The following DPYD variants were observed in gnomAD, a reference collection of about 807,000 sequenced individuals.
DPYD encodes the protein dihydropyrimidine dehydrogenase.
Under a neutral mutation model 116.2 loss-of-function variants are expected in DPYD, and 109 were observed. That is an observed-to-expected ratio of 0.94 (90% CI 0.80 to 1.10). The LOEUF is 1.10. Among genes scored for constraint, DPYD ranks in the 50% least tolerant of loss-of-function variants. DPYD has a pLI of 0.00. For synonymous variants in DPYD, 440 were observed against 432.0 expected, an observed-to-expected ratio of 1.02 and a Z score of -0.23; for missense variants, 1,302 against 1,254.5, an observed-to-expected ratio of 1.04 and a Z score of -0.57.
chr1:97,353,036 C>T (rs1265573195), intron 16 of DPYD, among the ~76,000 whole-genome samples: 5 of 151,920 alleles, frequency 3.3e-5, no homozygotes, highest in Admixed American at 2.6e-4. Flanking sequence ...TAGAAAAGAA[C>T]TGTCAGACAC....
intron 19 of DPYD, among the ~76,000 whole-genome samples, chr1:97,209,834 G>T (rs918655688): frequency 6.6e-6 from 1 of 152,116 alleles, no homozygotes; most frequent in African/African-American, 2.4e-5. Context: ...TTGATATTTT[G>T]ATCTTTAGAC....
At chr1:97,217,374 C>T (rs1660480590) in intron 19 of DPYD, among the ~76,000 whole-genome samples, 1 of 152,120 alleles carries the variant, frequency 6.6e-6, no homozygotes, top group Admixed American at 6.6e-5. Context: ...CTAGAAATCA[C>T]CTGAAATGGA....
At chr1:97,647,911 A>G (rs1658368053) in intron 8 of DPYD, among the ~76,000 whole-genome samples, 1 of 151,986 alleles carries the variant, frequency 6.6e-6, no homozygotes, top group African/African-American at 2.4e-5. Flanking sequence ...ATATTTTGCC[A>G]ATTACTGATG....
chr1:97,402,039 C>T (rs926032705), intron 14 of DPYD, among the ~76,000 whole-genome samples: 72 of 152,076 alleles, frequency 4.7e-4, no homozygotes, highest in African/African-American at 1.6e-3. Context: ...TATAGTAAGT[C>T]TTGAGGTTAG....
chr1:97,182,234 A>T (rs1334918480), intron 20 of DPYD, among the ~76,000 whole-genome samples: 1 of 152,104 alleles, frequency 6.6e-6, no homozygotes, highest in Non-Finnish European at 1.5e-5. Flanking sequence ...CAATTTATAA[A>T]ACAGGTGTCT....
intron 16 of DPYD, 72 bp from the exon 17 acceptor site, chr1:97,306,369 G>C: frequency 6.3e-7 from 1 of 1,595,976 alleles, no homozygotes; most frequent in Non-Finnish European, 8.6e-7. Flanking sequence ...TGGAACAACA[G>C]CAAAGCTGGA....
intron 16 of DPYD, among the ~76,000 whole-genome samples, chr1:97,363,402 C>T (rs754965851): frequency 7.9e-5 from 12 of 152,098 alleles, no homozygotes; most frequent in Admixed American, 2.0e-4. Flanking sequence ...GGCGATTTGT[C>T]AAGGATCTAG....
chr1:97,601,916 C>T (rs1176332470), intron 8 of DPYD, among the ~76,000 whole-genome samples: 1 of 151,922 alleles, frequency 6.6e-6, no homozygotes, highest in Non-Finnish European at 1.5e-5. Context: ...TTTTTGAAAT[C>T]CCCATTAAAC....
intron 8 of DPYD, among the ~76,000 whole-genome samples, chr1:97,625,408 C>G (rs1196366076): frequency 6.6e-6 from 1 of 151,882 alleles, no homozygotes; most frequent in African/African-American, 2.4e-5. Flanking sequence ...AATAGAATAA[C>G]TGGATGTAAA....
At chr1:97,192,976 C>T (rs1333253048) in intron 20 of DPYD, 93 bp downstream of exon 20, 25 of 1,439,388 alleles carry the variant, frequency 1.7e-5, no homozygotes, top group Non-Finnish European at 2.4e-5. Flanking sequence ...ACTGTGTTTC[C>T]TTTGTTAGTG....
At chr1:97,085,755 T>C (rs547215232) in intron 21 of DPYD, among the ~76,000 whole-genome samples, 3 of 152,314 alleles carry the variant, frequency 2.0e-5, no homozygotes, top group East Asian at 1.9e-4. Flanking sequence ...CAGCCCCTCT[T>C]GTACACACAT....
intron 1 of DPYD, among the ~76,000 whole-genome samples, chr1:97,901,528 A>G (rs1004715757): frequency 6.6e-6 from 1 of 151,870 alleles, no homozygotes; most frequent in Non-Finnish European, 1.5e-5. Context: ...CTTGATAACA[A>G]TGAGTATAGG....
intron 20 of DPYD, among the ~76,000 whole-genome samples, chr1:97,176,468 G>T (rs932424298): frequency 2.0e-5 from 3 of 152,186 alleles, no homozygotes; most frequent in Admixed American, 2.0e-4. Flanking sequence ...CATGTTTTTA[G>T]TAGGTGGGGC....
chr1:97,759,061 A>G (rs947390011), intron 3 of DPYD, among the ~76,000 whole-genome samples: 5 of 152,134 alleles, frequency 3.3e-5, no homozygotes, highest in African/African-American at 1.2e-4. Context: ...TCACTTATAC[A>G]TGGTTTGCTG....
intron 13 of DPYD, among the ~76,000 whole-genome samples, chr1:97,505,070 A>C (rs1480244318): frequency 1.3e-5 from 2 of 152,050 alleles, no homozygotes; most frequent in Non-Finnish European, 2.9e-5. Flanking sequence ...CCGATAAAGA[A>C]TGGTAAAATT....
In DPYD at chr1:97,257,452, T is replaced by TATATAGAGAG. The variant is rs375490078; in HGVS notation, c.2300-22459_2300-22458insCTCTCTATAT. On this transcript the variant is annotated intron_variant, in intron 18 of 22. Transcript: ENST00000370192. ...ATACATACGTATATATATATATATA[T>TATATAGAGAG]AGAGAGAGAGAAAGAGAGAGAGAGC... 7.7e-3 allele frequency among the ~76,000 whole-genome samples: 978 copies of TATATAGAGAG among 126,422 alleles called. 10 individuals are homozygous for TATATAGAGAG. The highest frequency in any genetic ancestry group is 0.028 in the African/African-American group (902 of 31,754). The allele number at this position is 126,422 out of a possible 152,430, so 82.9% of individuals were successfully genotyped here.
At chr1:97,596,061 A>G (rs1463691963) in intron 8 of DPYD, among the ~76,000 whole-genome samples, 1 of 152,100 alleles carries the variant, frequency 6.6e-6, no homozygotes, top group Non-Finnish European at 1.5e-5. Flanking sequence ...TTAATGCACA[A>G]AAATGATTAA....
chr1:97,851,558 T>C (rs1670569044), intron 2 of DPYD, among the ~76,000 whole-genome samples: 1 of 151,960 alleles, frequency 6.6e-6, no homozygotes. Flanking sequence ...CTCCCCTATG[T>C]AGTCTTTTCA....
intron 20 of DPYD, among the ~76,000 whole-genome samples, chr1:97,141,662 T>C (rs1654235207): frequency 6.6e-6 from 1 of 152,152 alleles, no homozygotes; most frequent in African/African-American, 2.4e-5. Flanking sequence ...CTTTACTGTT[T>C]GTTCATTTTT....
Sources: allele counts gnomAD v4.1 joint callset (sites outside exome capture counted in the v4.1 genomes callset), GRCh38; gene constraint gnomAD v4.1.1; transcripts MANE v1.5; gene names NCBI Gene and HGNC (gene_info 2026-07-23, HGNC 2026-07-21).